Variants in FAAP20 observed in about 807,000 individuals in gnomAD.
FAAP20 encodes the protein FA core complex associated protein 20.
FAAP20 carries 12 observed loss-of-function variants against 16.2 expected under a neutral mutation model. The ratio of observed to expected loss-of-function variants is 0.74; its 90% CI spans 0.48 to 1.20. FAAP20 has a LOEUF of 1.20. Among genes scored for constraint, FAAP20 ranks in the 50% most tolerant of loss-of-function variants. FAAP20 has a pLI of 0.00. For synonymous variants in FAAP20, 141 were observed against 110.7 expected (o/e 1.27, Z -1.72); for missense variants, 288 against 245.8 (o/e 1.17, Z -1.15).
At chr1:2,186,210 A>G (rs866098699), downstream of FAAP20, 2 of 353,174 alleles carry the variant, frequency 5.7e-6, no homozygotes, top group African/African-American at 2.1e-5. Context: ...CCAGGCCTCC[A>G]TGACTCAGGG....
chr1:2,189,460 A>G (rs1401663551), downstream of FAAP20: 4 of 556,362 alleles, frequency 7.2e-6, no homozygotes, highest in African/African-American at 1.9e-5. Flanking sequence ...GAAAGGGGTC[A>G]GCTTCCCCGC....
downstream of FAAP20, among the ~76,000 whole-genome samples, chr1:2,189,032 A>C (rs957651270): frequency 1.4e-5 from 2 of 143,778 alleles, no homozygotes; most frequent in Non-Finnish European, 1.5e-5. Flanking sequence ...AAAAAAACAA[A>C]AAGAACGCCA....
upstream of FAAP20, among the ~76,000 whole-genome samples, chr1:2,202,029 A>AAC (rs1557791238): frequency 6.6e-6 from 1 of 151,912 alleles, no homozygotes. Context: ...AAAAAAAAAA[A>AAC]AAAGAAGAAG....
chr1:2,196,409 T>C (rs1403903037), upstream of FAAP20, among the ~76,000 whole-genome samples: 1 of 150,796 alleles, frequency 6.6e-6, no homozygotes, highest in Non-Finnish European at 1.5e-5. The surrounding 1 kb of genome is among the most constrained non-coding windows in gnomAD (Gnocchi z 4.5). Context: ...AAATAAAAAA[T>C]TAGCTGGGCA....
upstream of FAAP20, among the ~76,000 whole-genome samples, chr1:2,195,101 C>G (rs1410512165): frequency 1.3e-5 from 2 of 152,198 alleles, no homozygotes; most frequent in Non-Finnish European, 2.9e-5. Context: ...AGCTCCCGCC[C>G]CCGTTTCCGG....
downstream of FAAP20, among the ~76,000 whole-genome samples, chr1:2,187,638 C>T (rs1687743437): frequency 6.6e-6 from 1 of 152,174 alleles, no homozygotes; most frequent in South Asian, 2.1e-4. Context: ...TATATCAGGG[C>T]AGTTTTAGGC....
At chr1:2,210,717 C>A (rs1397217440), downstream of FAAP20, among the ~76,000 whole-genome samples, 1 of 152,208 alleles carries the variant, frequency 6.6e-6, no homozygotes, top group South Asian at 2.1e-4. Flanking sequence ...CACACATGCA[C>A]CAGGGCTGGG....
downstream of FAAP20, among the ~76,000 whole-genome samples, chr1:2,188,849 CAA>C (rs1458314402): frequency 2.0e-5 from 3 of 151,128 alleles, no homozygotes; most frequent in Non-Finnish European, 4.4e-5. Flanking sequence ...ACTGAAAACA[CAA>C]AAAATTAGCC....
upstream of FAAP20, chr1:2,198,913 A>C (rs182979463): frequency 9.4e-4 from 1,217 of 1,289,792 alleles, 13 homozygotes; most frequent in African/African-American, 0.017. Flanking sequence ...CCAGGCAGAC[A>C]GGCTGTGAGA....
At chr1:2,184,941 G>C (rs138081046), downstream of FAAP20, 4 of 1,613,862 alleles carry the variant, frequency 2.5e-6, no homozygotes, top group Non-Finnish European at 3.4e-6. Context: ...AAAGAGGATC[G>C]ACCAGTCAGA....
At position 2,193,899 on chromosome 1, in the gene FAAP20, G is replaced by A; in HGVS notation, c.210C>T (p.Cys70=). Residue 70 remains cysteine, a synonymous_variant, in exon 3 of 4, where the codon TGC becomes TGT. Coordinates refer to ENST00000378546, the MANE Select transcript of FAAP20 (RefSeq NM_182533.4). ...TGAAGACTTCAGTGGGCTCCGGGCC[G>A]CACCTGGGCTCCTGCAACACAGAGT... ...LPAFPGQEPR[C]GPEPTEVFTV... is the part of the protein sequence containing the mutation. The A allele has an allele frequency of 1.9e-6, 3 of 1,611,902 alleles. No individual in the cohort carries two copies. Among genetic ancestry groups the A allele is most frequent in the Admixed American group, 1.7e-5 (1 of 59,628 alleles).
chr1:2,184,533 TAGGGATGATGCCCGCGCGGA>T (rs1386834768), downstream of FAAP20: 6 of 1,411,260 alleles, frequency 4.3e-6, no homozygotes, highest in Non-Finnish European at 5.9e-6. Flanking sequence ...CTCAATCTGG[TAGGGATGATGCCCGCGCGGA>T]GCTGACCCTT....
chr1:2,190,047 C>CT (rs1195156144), intron 3 of FAAP20: 1 of 602,524 alleles, frequency 1.7e-6, no homozygotes, highest in African/African-American at 1.8e-5. Context: ...CAACAAGCCT[C>CT]TCTATGGGAT....
In FAAP20 at chr1:2,189,695, CTCT is replaced by C; in HGVS notation, c.*11_*13del. ...TCCGGGCGCCGCACTCTGCGCAGGG[CTCT>C]TGGATGGCGCTCACCACGTCACGTC... On this transcript the variant is annotated 3_prime_UTR_variant, in exon 4 of 4. Transcript: ENST00000378546. The C allele has an allele frequency of 6.2e-7, 1 of 1,606,560 alleles. No homozygotes were observed. The highest frequency in any genetic ancestry group is 1.3e-5 in the African/African-American group (1 of 74,858).
chr1:2,199,046 G>A, upstream of FAAP20: 2 of 1,232,578 alleles, frequency 1.6e-6, no homozygotes, highest in South Asian at 1.4e-5. This position sits in a 1 kb window ranked among gnomAD's most constrained non-coding sequence, Gnocchi z 4.5. Context: ...CCTCCTCACA[G>A]CCTCAGTGGC....
chr1:2,194,162 G>A, intron 1 of FAAP20, 29 bp from the exon 2 acceptor site: 1 of 1,610,530 alleles, frequency 6.2e-7, no homozygotes, highest in Non-Finnish European at 8.5e-7. Context: ...GCAGACAGGG[G>A]GTACTCAGTA....
chr1:2,185,234 G>A (rs967030200), downstream of FAAP20: 10 of 709,340 alleles, frequency 1.4e-5, no homozygotes, highest in African/African-American at 1.6e-4. Flanking sequence ...TTGCTGCTGT[G>A]CCTGCGTCGC....
upstream of FAAP20, among the ~76,000 whole-genome samples, chr1:2,196,235 G>A (rs115785083): frequency 0.021 from 3,225 of 152,300 alleles, 55 homozygotes; most frequent in Middle Eastern, 0.034. This position sits in a 1 kb window ranked among gnomAD's most constrained non-coding sequence, Gnocchi z 4.5. Flanking sequence ...AGGGCCTTGG[G>A]TACTTCCAGG....
downstream of FAAP20, among the ~76,000 whole-genome samples, chr1:2,211,796 G>A (rs1394491701): frequency 6.6e-6 from 1 of 150,550 alleles, no homozygotes; most frequent in Admixed American, 6.6e-5. Context: ...TGTTGGCCAG[G>A]CTGGTCTCAA....
Sources: allele counts gnomAD v4.1 joint callset (sites outside exome capture counted in the v4.1 genomes callset), GRCh38; gene constraint gnomAD v4.1.1; non-coding constraint Gnocchi (gnomAD v3.1); transcripts MANE v1.5; gene names NCBI Gene and HGNC (gene_info 2026-07-23, HGNC 2026-07-21).